Variants in SLC35F1 observed in about 807,000 individuals in gnomAD.
SLC35F1 encodes the protein chromosome 6 open reading frame 169.
A neutral mutation model predicts 48.7 loss-of-function variants in SLC35F1; 14 were observed. The ratio of observed to expected loss-of-function variants is 0.29; its 90% CI spans 0.19 to 0.45. SLC35F1 has a LOEUF of 0.45. Among genes scored for constraint, SLC35F1 ranks in the 20% least tolerant of loss-of-function variants. The pLI is 1.00. For missense variants in SLC35F1, 404 were observed against 500.0 expected (o/e 0.81, Z 1.83); for synonymous variants, 190 against 202.2 (o/e 0.94, Z 0.51).
At chr6:117,943,520 T>C (rs73768117) in intron 1 of SLC35F1, among the ~76,000 whole-genome samples, 3,082 of 152,304 alleles carry the variant, frequency 0.02, 110 homozygotes, top group African/African-American at 0.071. Flanking sequence ...ATTGATACCA[T>C]TGTGAAATTT....
chr6:118,025,682 A>G (rs77887903), intron 1 of SLC35F1, among the ~76,000 whole-genome samples: 2,355 of 152,236 alleles, frequency 0.015, 59 homozygotes, highest in East Asian at 0.069. Flanking sequence ...GGTTATATAC[A>G]TATATTTTAT....
At chr6:118,223,722 C>A (rs561771353) in intron 2 of SLC35F1, among the ~76,000 whole-genome samples, 1 of 152,340 alleles carries the variant, frequency 6.6e-6, no homozygotes, top group East Asian at 1.9e-4. Flanking sequence ...GCTTCTGGCC[C>A]GTTGACACTC....
chr6:118,291,905 G>C (rs412995), intron 7 of SLC35F1, among the ~76,000 whole-genome samples: 13,086 of 152,126 alleles, frequency 0.086, 747 homozygotes, highest in African/African-American at 0.15. Flanking sequence ...ATCACCTAAG[G>C]TCAGGAGTTC....
At chr6:118,172,539 G>A (rs1774422277) in intron 2 of SLC35F1, among the ~76,000 whole-genome samples, 2 of 152,092 alleles carry the variant, frequency 1.3e-5, no homozygotes, top group South Asian at 4.1e-4. Context: ...TAGCAGCATG[G>A]TCTAGATAAC....
intron 1 of SLC35F1, among the ~76,000 whole-genome samples, chr6:118,147,990 A>T (rs1774000404): frequency 6.6e-6 from 1 of 152,118 alleles, no homozygotes; most frequent in African/African-American, 2.4e-5. Context: ...TGTGATAAAA[A>T]CCTTTCAGCA....
At chr6:118,229,246 A>G (rs1197814906) in intron 2 of SLC35F1, among the ~76,000 whole-genome samples, 2 of 152,156 alleles carry the variant, frequency 1.3e-5, no homozygotes, top group African/African-American at 2.4e-5. Flanking sequence ...TTAAGCCAAA[A>G]AATTGATTTA....
chr6:118,317,123 A>T lies in SLC35F1; in HGVS notation c.*2871A>T, dbSNP rs1041740340. On this transcript the variant is annotated 3_prime_UTR_variant, in exon 8 of 8. Transcript: ENST00000360388. ...AATGAATAAGACTTTAGCAATTTATATAGAATTTGATCAGGTAAGAGCGAA... is the reference window on the plus strand; with the variant it reads ...AATGAATAAGACTTTAGCAATTTATTTAGAATTTGATCAGGTAAGAGCGAA... 23 of 152,662 alleles carry T rather than the reference A, an allele frequency of 1.5e-4. No individual in the cohort carries two copies. Among genetic ancestry groups the T allele is most frequent in the African/African-American group, 5.3e-4 (22 of 41,468 alleles). 9.5% of individuals were successfully genotyped at this position (152,662 alleles called of 1,614,324 possible).
At chr6:117,923,932 T>C (rs1008470881) in intron 1 of SLC35F1, among the ~76,000 whole-genome samples, 5 of 150,396 alleles carry the variant, frequency 3.3e-5, no homozygotes, top group Non-Finnish European at 5.9e-5. Context: ...ATATGTGTTA[T>C]GTACTAGATT....
chr6:118,219,746 T>C (rs891041791), intron 2 of SLC35F1, among the ~76,000 whole-genome samples: 1 of 152,136 alleles, frequency 6.6e-6, no homozygotes, highest in Non-Finnish European at 1.5e-5. Flanking sequence ...GTATTCACAA[T>C]AGCAAAGACT....
intron 1 of SLC35F1, among the ~76,000 whole-genome samples, chr6:118,058,736 A>G (rs1772496153): frequency 6.6e-6 from 1 of 152,168 alleles, no homozygotes; most frequent in Admixed American, 6.5e-5. Context: ...AATTGTGAGA[A>G]TAGTTCTTAA....
At chr6:118,159,561 T>A (rs377202192) in intron 2 of SLC35F1, among the ~76,000 whole-genome samples, 41 of 152,310 alleles carry the variant, frequency 2.7e-4, no homozygotes, top group Admixed American at 8.5e-4. Flanking sequence ...CTTCTCCTTG[T>A]ATCTACTATC....
chr6:118,245,334 C>T (rs1327563349), intron 3 of SLC35F1, among the ~76,000 whole-genome samples: 1 of 152,196 alleles, frequency 6.6e-6, no homozygotes, highest in African/African-American at 2.4e-5. Flanking sequence ...TGCTCAGCCT[C>T]TCAGACATCA....
chr6:118,181,189 G>A (rs73766453), intron 2 of SLC35F1, among the ~76,000 whole-genome samples: 4,707 of 152,052 alleles, frequency 0.031, 246 homozygotes, highest in African/African-American at 0.11. Flanking sequence ...AAGAAGGAAT[G>A]GTAAGTAAAT....
At chr6:118,311,627 C>CA (rs1046826282) in intron 7 of SLC35F1, among the ~76,000 whole-genome samples, 10 of 152,078 alleles carry the variant, frequency 6.6e-5, no homozygotes, top group Non-Finnish European at 1.2e-4. Flanking sequence ...CTTGTCTCTA[C>CA]AAAAAATACA....
chr6:117,942,094 A>G (rs898418312), intron 1 of SLC35F1, among the ~76,000 whole-genome samples: 2 of 152,194 alleles, frequency 1.3e-5, no homozygotes, highest in Non-Finnish European at 2.9e-5. Context: ...TAATACTCTC[A>G]ACAACACTTT....
intron 7 of SLC35F1, among the ~76,000 whole-genome samples, chr6:118,309,291 T>A (rs1236104491): frequency 6.6e-6 from 1 of 151,920 alleles, no homozygotes; most frequent in African/African-American, 2.4e-5. Flanking sequence ...AACTCCTGCC[T>A]CAGCCTCCTG....
chr6:118,197,361 T>G (rs941680169), intron 2 of SLC35F1, among the ~76,000 whole-genome samples: 1 of 152,040 alleles, frequency 6.6e-6, no homozygotes, highest in Non-Finnish European at 1.5e-5. Flanking sequence ...AACATTAGAG[T>G]TTTTCTCTTA....
In SLC35F1 at chr6:117,997,685, C is replaced by G. The variant is rs1290909579; in HGVS notation, c.173+89786C>G. Reference sequence around the variant, plus strand: ...TATCCAGCCAAGCTAAGCTTCATAACTGAAGGAGAAAGAAAATCCTTTACA... The same window carrying G: ...TATCCAGCCAAGCTAAGCTTCATAAGTGAAGGAGAAAGAAAATCCTTTACA... On this transcript the variant is annotated intron_variant, in intron 1 of 7. Transcript: ENST00000360388. 6.6e-5 allele frequency among the ~76,000 whole-genome samples: 10 copies of G among 152,210 alleles called. 1 individual carries two copies. In the South Asian group the frequency reaches 1.0e-3, roughly 16 times the overall value.
At chr6:118,247,991 T>C (rs1775529505) in intron 3 of SLC35F1, among the ~76,000 whole-genome samples, 1 of 152,200 alleles carries the variant, frequency 6.6e-6, no homozygotes, top group South Asian at 2.1e-4. Flanking sequence ...ACCCAAAAAG[T>C]ATGAGCAACT....
Sources: allele counts gnomAD v4.1 joint callset (sites outside exome capture counted in the v4.1 genomes callset), GRCh38; gene constraint gnomAD v4.1.1; transcripts MANE v1.5; gene names NCBI Gene and HGNC (gene_info 2026-07-23, HGNC 2026-07-21).